The following MEMO1 variants were observed in gnomAD, a reference collection of about 807,000 sequenced individuals.
MEMO1 encodes the protein mediator of cell motility 1.
In MEMO1, 6 loss-of-function variants were observed where a neutral mutation model predicts 45.2. The ratio of observed to expected loss-of-function variants is 0.13; its 90% confidence interval spans 0.07 to 0.26. MEMO1 has a LOEUF of 0.26. Ranked by LOEUF, MEMO1 falls within the 10% of genes least tolerant of loss-of-function variation. The pLI, the probability that MEMO1 is intolerant of heterozygous loss-of-function variation, is 1.00. For missense variants in MEMO1, 184 were observed against 370.5 expected (o/e 0.50, Z 4.13); for synonymous variants, 78 against 124.3 (o/e 0.63, Z 2.48).
intron 4 of MEMO1, among the ~76,000 whole-genome samples, chr2:31,930,964 A>AAG (rs1664095948): frequency 6.6e-6 from 1 of 151,914 alleles, no homozygotes; most frequent in African/African-American, 2.4e-5. Flanking sequence ...CAGACTAAAA[A>AAG]ATCATTTCAA....
intron 2 of MEMO1, among the ~76,000 whole-genome samples, chr2:31,958,737 C>T (rs576713047): frequency 1.2e-3 from 183 of 152,292 alleles, no homozygotes; most frequent in African/African-American, 4.1e-3. Context: ...GTGCAACCTC[C>T]GCTTCCCTGG....
At position 31,978,539 on chromosome 2, in the gene MEMO1, C is replaced by T. The variant is rs566074556; in HGVS notation, c.61+31648G>A. On this transcript the variant is annotated intron_variant, in intron 2 of 9. Coordinates refer to ENST00000404530, the MANE Select transcript of MEMO1 (RefSeq NM_001301833.4). ...TCATAGCTCACTGAGCTTACACAAT[C>T]CTCCCACCTCGGCTTCCCGAGTAGC... 6.2e-4 allele frequency among the ~76,000 whole-genome samples: 95 copies of T among 152,318 alleles called. 1 individual carries two copies. Among genetic ancestry groups the T allele is most frequent in the African/African-American group, 2.2e-3 (91 of 41,552 alleles).
intron 2 of MEMO1, among the ~76,000 whole-genome samples, chr2:32,003,314 A>C (rs1673640257): frequency 1.3e-5 from 2 of 152,216 alleles, no homozygotes; most frequent in Admixed American, 6.5e-5. Context: ...ATACTTCAAG[A>C]ATGTTCTTTG....
chr2:31,961,407 G>T (rs182642342), intron 2 of MEMO1, among the ~76,000 whole-genome samples: 2 of 151,926 alleles, frequency 1.3e-5, no homozygotes, highest in African/African-American at 2.4e-5. Context: ...GGGAGGACAT[G>T]AAAAAAACAG....
intron 2 of MEMO1, among the ~76,000 whole-genome samples, chr2:31,987,303 A>G (rs765328404): frequency 1.3e-5 from 2 of 152,344 alleles, no homozygotes; most frequent in Non-Finnish European, 2.9e-5. Flanking sequence ...CTGGACCAAC[A>G]AATGTTTTGT....
At chr2:31,969,627 GTGTGTGTT>G (rs1367602574) in intron 2 of MEMO1, among the ~76,000 whole-genome samples, 2 of 141,612 alleles carry the variant, frequency 1.4e-5, no homozygotes, top group African/African-American at 2.6e-5. Flanking sequence ...GTGTGTGTGT[GTGTGTGTT>G]TAAGACAGGC....
At chr2:31,938,202 T>G (rs997772948) in intron 3 of MEMO1, among the ~76,000 whole-genome samples, 2 of 152,292 alleles carry the variant, frequency 1.3e-5, no homozygotes, top group African/African-American at 4.8e-5. Flanking sequence ...TTTATTCTAT[T>G]TAATCTATAT....
chr2:31,961,500 C>T (rs574685211), intron 2 of MEMO1, among the ~76,000 whole-genome samples: 7 of 150,638 alleles, frequency 4.6e-5, no homozygotes, highest in African/African-American at 7.3e-5. Flanking sequence ...TGGTGGCTCA[C>T]GCCTATAATC....
intron 2 of MEMO1, among the ~76,000 whole-genome samples, chr2:31,972,336 T>A (rs566074017): frequency 6.6e-6 from 1 of 152,074 alleles, no homozygotes; most frequent in African/African-American, 2.4e-5. Context: ...AGAAATGATA[T>A]AACAACAACA....
At chr2:31,980,330 G>T (rs972879064) in intron 2 of MEMO1, among the ~76,000 whole-genome samples, 1 of 152,132 alleles carries the variant, frequency 6.6e-6, no homozygotes, top group Non-Finnish European at 1.5e-5. Flanking sequence ...CTACTTGGAA[G>T]GCCAAGACAG....
intron 2 of MEMO1, among the ~76,000 whole-genome samples, chr2:31,969,585 GGGTGTGTGTGTGTGTGTGTGT>G (rs1669089685): frequency 1.1e-5 from 1 of 89,452 alleles, no homozygotes; most frequent in Non-Finnish European, 2.2e-5. Context: ...GTGTGTGTGT[GGGTGTGTGTGTGTGTGTGTGT>G]GTGTGTGTGT....
At chr2:31,942,618 C>T (rs1490182379) in intron 3 of MEMO1, among the ~76,000 whole-genome samples, 5 of 151,942 alleles carry the variant, frequency 3.3e-5, no homozygotes, top group African/African-American at 7.3e-5. Context: ...CGACCCCCGA[C>T]GTCAGAACCC....
chr2:31,960,055 G>C (rs1308776330), intron 2 of MEMO1, among the ~76,000 whole-genome samples: 1 of 152,138 alleles, frequency 6.6e-6, no homozygotes, highest in East Asian at 1.9e-4. Flanking sequence ...AAATCAGCCG[G>C]GTGTGGCGGC....
intron 4 of MEMO1, among the ~76,000 whole-genome samples, chr2:31,924,979 C>T: frequency 6.6e-6 from 1 of 152,210 alleles, no homozygotes; most frequent in Middle Eastern, 3.2e-3. Flanking sequence ...ATTTCATGGT[C>T]ACAGGATAAA....
rs1673175008 is a variant in MEMO1, at chr2:31,868,421, C to A, written c.834G>T (p.Gln278His). ...FSFLNYAQSSQCRNWQDSSVS... is the reference protein window; with the variant it reads ...FSFLNYAQSSHCRNWQDSSVS... ...CTGAACTGTCTTGCCAGTTTCTACA[C>A]TGGCTCGACTGGGCATAATTCAAAA... The change falls in exon 10 of 10, where the codon CAG becomes CAT. Residue 278 changes from glutamine to histidine, a missense_variant. Gln to His is a conservative substitution (Grantham distance 24, BLOSUM62 0). Around this residue, in one of 3 missense-constraint regions of MEMO1, gnomAD observed 97 missense variants for 209.3 expected, o/e 0.46. Coordinates refer to ENST00000404530, the MANE Select transcript of MEMO1 (RefSeq NM_001301833.4). 6.3e-7 allele frequency: 1 copy of A among 1,598,890 alleles called. No homozygotes were observed. Among genetic ancestry groups the A allele is most frequent in the Admixed American group, 1.7e-5 (1 of 57,634 alleles).
chr2:31,955,669 G>T (rs1418391297), intron 2 of MEMO1, among the ~76,000 whole-genome samples: 3 of 151,832 alleles, frequency 2.0e-5, no homozygotes, highest in Admixed American at 2.0e-4. Context: ...AGTGCAATGG[G>T]GCGATCTCGG....
At chr2:31,928,757 T>C (rs1241997967) in intron 4 of MEMO1, among the ~76,000 whole-genome samples, 2 of 152,150 alleles carry the variant, frequency 1.3e-5, no homozygotes, top group African/African-American at 2.4e-5. Flanking sequence ...ACTATTAGCA[T>C]TCGTTATAAT....
chr2:31,977,733 A>G (rs1670174738), intron 2 of MEMO1, among the ~76,000 whole-genome samples: 1 of 152,094 alleles, frequency 6.6e-6, no homozygotes, highest in South Asian at 2.1e-4. Context: ...GGATTTCACC[A>G]TGTTGGCCAG....
intron 2 of MEMO1, among the ~76,000 whole-genome samples, chr2:31,950,149 G>A (rs757043588): frequency 1.7e-4 from 26 of 152,188 alleles, no homozygotes; most frequent in African/African-American, 4.1e-4. Flanking sequence ...GGGAAGCCAC[G>A]GCAGATGGAT....
Sources: allele counts gnomAD v4.1 joint callset (sites outside exome capture counted in the v4.1 genomes callset), GRCh38; gene constraint gnomAD v4.1.1; regional missense constraint gnomAD v4.1.1; transcripts MANE v1.5; gene names NCBI Gene and HGNC (gene_info 2026-07-23, HGNC 2026-07-21).